The following MACROD2 variants were observed in gnomAD, a reference collection of about 807,000 sequenced individuals.
MACROD2 encodes ADP-ribose glycohydrolase MACROD2.
A neutral mutation model predicts 70.4 loss-of-function variants in MACROD2; 36 were observed. The observed-to-expected ratio is 0.51, with a 90% CI of 0.39 to 0.68. The LOEUF (loss-of-function observed/expected upper bound fraction) is 0.68. Among genes scored for constraint, MACROD2 ranks in the 30% least tolerant of loss-of-function variants. The pLI is 0.00. For missense variants in MACROD2, 496 were observed against 538.4 expected, an observed-to-expected ratio of 0.92 and a Z score of 0.78; for synonymous variants, 172 against 178.8, an observed-to-expected ratio of 0.96 and a Z score of 0.30.
intron 4 of MACROD2, among the ~76,000 whole-genome samples, chr20:14,683,913 C>T (rs941383138): frequency 6.6e-6 from 1 of 151,914 alleles, no homozygotes; most frequent in Non-Finnish European, 1.5e-5. Context: ...AGCCCCAAAT[C>T]CTCAATTTCC....
At chr20:14,334,389 C>G (rs1388620548) in intron 3 of MACROD2, among the ~76,000 whole-genome samples, 1 of 152,138 alleles carries the variant, frequency 6.6e-6, no homozygotes, top group Non-Finnish European at 1.5e-5. Context: ...TGTTGACTTT[C>G]AGTAAATTTT....
chr20:14,473,000 G>T (rs934285092), intron 3 of MACROD2, among the ~76,000 whole-genome samples: 14 of 151,950 alleles, frequency 9.2e-5, no homozygotes, highest in African/African-American at 2.9e-4. Context: ...TCACTAAGAG[G>T]TTTATTTATT....
At chr20:15,095,653 G>A (rs538422114) in intron 5 of MACROD2, among the ~76,000 whole-genome samples, 11 of 151,980 alleles carry the variant, frequency 7.2e-5, no homozygotes, top group Non-Finnish European at 1.3e-4. Flanking sequence ...GAGTAGCTGG[G>A]ACTACAGGCA....
intron 3 of MACROD2, among the ~76,000 whole-genome samples, chr20:14,331,856 G>A (rs2082847838): frequency 6.6e-6 from 1 of 152,014 alleles, no homozygotes; most frequent in Non-Finnish European, 1.5e-5. Flanking sequence ...ATGATGAAAA[G>A]AAAAATGACC....
chr20:14,024,969 T>C (rs1407515407), intron 2 of MACROD2, among the ~76,000 whole-genome samples: 1 of 152,212 alleles, frequency 6.6e-6, no homozygotes, highest in Non-Finnish European at 1.5e-5. Flanking sequence ...TTTGTGACTC[T>C]GGTAGAATTC....
At chr20:15,294,484 A>G (rs2077569129) in intron 6 of MACROD2, among the ~76,000 whole-genome samples, 1 of 152,200 alleles carries the variant, frequency 6.6e-6, no homozygotes, top group Admixed American at 6.5e-5. Context: ...TGTATGTGCA[A>G]GCTTTCTCAA....
At chr20:14,499,713 C>T (rs990096602) in intron 4 of MACROD2, among the ~76,000 whole-genome samples, 23 of 151,990 alleles carry the variant, frequency 1.5e-4, no homozygotes, top group African/African-American at 5.6e-4. Context: ...TACCTTTGCC[C>T]TCCCTCCTTC....
At chr20:15,752,679 T>C (rs2051290502) in intron 8 of MACROD2, among the ~76,000 whole-genome samples, 1 of 152,168 alleles carries the variant, frequency 6.6e-6, no homozygotes, top group Non-Finnish European at 1.5e-5. Context: ...TATTAAACTT[T>C]ATAGCTACCC....
At chr20:15,050,533 C>CT (rs386393390) in intron 5 of MACROD2, among the ~76,000 whole-genome samples, 16,044 of 77,576 alleles carry the variant, frequency 0.21, 4,953 homozygotes, top group Middle Eastern at 0.24. Context: ...CTATTTAGGT[C>CT]TTTTTTTTTT....
At chr20:15,275,055 G>A (rs979562284) in intron 6 of MACROD2, among the ~76,000 whole-genome samples, 1 of 152,084 alleles carries the variant, frequency 6.6e-6, no homozygotes, top group Non-Finnish European at 1.5e-5. Flanking sequence ...GTGACTGGGG[G>A]TGGGGGAGGT....
rs984167662 is a variant in MACROD2 at position 15,221,471 on chromosome 20, A to C, written c.419-8469A>C. ...TGGAAATAACACTATTGTGATGCAG[A>C]TGCCCCCAATACCCTGTGGAATCTC... On this transcript the variant is annotated intron_variant, in intron 5 of 17. Coordinates refer to ENST00000684519, the MANE Select transcript of MACROD2 (RefSeq NM_001351661.2). 2.0e-5 allele frequency among the ~76,000 whole-genome samples: 3 copies of C among 152,302 alleles called. 1 individual carries two copies. The highest frequency in any genetic ancestry group is 3.4e-3 in the Middle Eastern group (1 of 294).
chr20:15,027,658 G>A (rs529559680), intron 5 of MACROD2, among the ~76,000 whole-genome samples: 31 of 150,726 alleles, frequency 2.1e-4, no homozygotes, highest in African/African-American at 7.3e-4. Context: ...GAGGATTGCT[G>A]GAGCCCAGGA....
chr20:14,165,049 A>G (rs539125718), intron 3 of MACROD2, among the ~76,000 whole-genome samples: 2 of 152,136 alleles, frequency 1.3e-5, no homozygotes, highest in South Asian at 4.2e-4. Context: ...AGCGAATGTA[A>G]ATGGCACTCC....
intron 8 of MACROD2, among the ~76,000 whole-genome samples, chr20:15,600,978 C>T (rs1251495779): frequency 6.6e-6 from 1 of 152,188 alleles, no homozygotes; most frequent in African/African-American, 2.4e-5. Flanking sequence ...CAGAACTCCT[C>T]TACATCATGC....
At chr20:15,795,831 G>A (rs532587266) in intron 8 of MACROD2, among the ~76,000 whole-genome samples, 4 of 152,280 alleles carry the variant, frequency 2.6e-5, no homozygotes, top group East Asian at 3.9e-4. Flanking sequence ...GGTGGCATTC[G>A]TTCTACTGTA....
At chr20:14,203,487 C>T (rs1465634627) in intron 3 of MACROD2, among the ~76,000 whole-genome samples, 1 of 151,972 alleles carries the variant, frequency 6.6e-6, no homozygotes, top group Non-Finnish European at 1.5e-5. Context: ...CTGTTGATAC[C>T]TGTGCATCTG....
intron 5 of MACROD2, among the ~76,000 whole-genome samples, chr20:14,987,596 A>G (rs547255253): frequency 1.6e-4 from 25 of 152,286 alleles, no homozygotes; most frequent in African/African-American, 5.5e-4. Flanking sequence ...CCTGTTGAAT[A>G]TATTCCAGGC....
At chr20:14,066,034 T>C (rs1186850826) in intron 2 of MACROD2, among the ~76,000 whole-genome samples, 3 of 152,258 alleles carry the variant, frequency 2.0e-5, no homozygotes, top group African/African-American at 4.8e-5. Flanking sequence ...GCAAAAGTTC[T>C]GTGGATTACA....
chr20:14,338,662 A>G (rs1182084249), intron 3 of MACROD2, among the ~76,000 whole-genome samples: 2 of 152,166 alleles, frequency 1.3e-5, no homozygotes, highest in African/African-American at 2.4e-5. Flanking sequence ...ATGGGTTTAG[A>G]TATAAACATC....
Sources: gnomAD v4.1 joint callset for allele counts (sites outside exome capture counted in the v4.1 genomes callset) on GRCh38, gnomAD v4.1.1 for gene constraint, MANE v1.5 for transcripts, NCBI Gene and HGNC (gene_info 2026-07-23, HGNC 2026-07-21) for gene names.